The following FAT1 variants were observed in gnomAD, a reference collection of about 807,000 sequenced individuals.
FAT1 encodes protocadherin Fat 1.
A neutral mutation model predicts 329.8 loss-of-function variants in FAT1; 171 were observed. The ratio of observed to expected loss-of-function variants is 0.52; its 90% CI spans 0.46 to 0.59. The LOEUF (loss-of-function observed/expected upper bound fraction) is 0.59, where lower values mean the gene tolerates loss of function less well. Among genes scored for constraint, FAT1 ranks in the 20% least tolerant of loss-of-function variants. The probability of loss-of-function intolerance (pLI) is 0.00; values close to 1 mark genes in which losing one functional copy is unlikely to be tolerated. For synonymous variants in FAT1, 2,233 were observed against 2,228.6 expected (o/e 1.00, Z -0.06); for missense variants, 5,672 against 5,774.4 (o/e 0.98, Z 0.57).
chr4:186,615,677 C>A (rs1739676608), intron 11 of FAT1, among the ~76,000 whole-genome samples: 1 of 152,184 alleles, frequency 6.6e-6, no homozygotes, highest in South Asian at 2.1e-4. Flanking sequence ...TCCCCAAAGT[C>A]CTCTTCTCCC....
intron 3 of FAT1, among the ~76,000 whole-genome samples, chr4:186,654,391 G>T (rs1378947078): frequency 6.6e-6 from 1 of 151,966 alleles, no homozygotes; most frequent in Non-Finnish European, 1.5e-5. Context: ...GTGGAAGAGT[G>T]GTATAAAAAA....
At chr4:186,623,894 C>G (rs1740167527) in intron 9 of FAT1, among the ~76,000 whole-genome samples, 1 of 152,216 alleles carries the variant, frequency 6.6e-6, no homozygotes, top group Non-Finnish European at 1.5e-5. Context: ...CATCATGACT[C>G]TGGTGAACAC....
chr4:186,668,089 TG>T (rs1334745495), intron 2 of FAT1, among the ~76,000 whole-genome samples: 1 of 152,172 alleles, frequency 6.6e-6, no homozygotes, highest in Non-Finnish European at 1.5e-5. Context: ...CTCAGAGTTT[TG>T]GGGTTCAGTA....
At position 186,597,160 on chromosome 4, in the gene FAT1, T is replaced by C. The variant is rs1477113630; in HGVS notation, c.12380A>G (p.Asp4127Gly). ...AGGGTTTCCAGAGCACTCGTCGATATCACTCTGACACCTGCCAAGGAAGTC... is the reference window on the plus strand; with the variant it reads ...AGGGTTTCCAGAGCACTCGTCGATACCACTCTGACACCTGCCAAGGAAGTC... ...SGFRGERCQS[D>G]IDECSGNPCL... Residue 4127 changes from aspartate (D) to glycine (G), a missense_variant, in exon 25 of 27, where the codon GAT becomes GGT. Around this residue, in one of 2 missense-constraint regions of FAT1, gnomAD observed 1,706 missense variants for 1,859.1 expected, o/e 0.92. Coordinates refer to ENST00000441802, the MANE Select transcript of FAT1 (RefSeq NM_005245.4). 2 of 1,606,770 alleles carry C rather than the reference T, an allele frequency of 1.2e-6. No homozygotes were observed. The highest frequency in any genetic ancestry group is 8.5e-7 in the Non-Finnish European group (1 of 1,176,198).
intron 10 of FAT1, 96 bp from the exon 11 acceptor site, chr4:186,617,297 A>G: frequency 2.3e-6 from 2 of 883,152 alleles, no homozygotes; most frequent in Non-Finnish European, 3.3e-6. Flanking sequence ...GTATAATGTT[A>G]TAGTTTAAAA....
At position 186,618,763 on chromosome 4, in the gene FAT1, C is replaced by T. The variant is rs1336083461; in HGVS notation, c.7823G>A (p.Ser2608Asn). ...AACGACTGAAGTCCCTTTAGCAGCA[C>T]TGGACCCGATATTCACTTCGTATTT... Reference protein sequence around the residue: ...ATKYEVNIGSSAAKGTSVVKV... With the variant: ...ATKYEVNIGSNAAKGTSVVKV... Residue 2608 changes from serine (S) to asparagine (N), a missense_variant, in exon 10 of 27, where the codon AGT becomes AAT. By Grantham distance (46) the Ser-to-Asn change is conservative. Around this residue, in one of 2 missense-constraint regions of FAT1, gnomAD observed 3,966 missense variants for 3,915.2 expected, o/e 1.01. Transcript: ENST00000441802. The T allele has an allele frequency of 1.2e-6, 2 of 1,614,042 alleles. No individual in the cohort carries two copies. The highest frequency in any genetic ancestry group is 1.7e-6 in the Non-Finnish European group (2 of 1,179,902).
At chr4:186,653,747 G>A (rs328429) in intron 3 of FAT1, among the ~76,000 whole-genome samples, 39,433 of 151,916 alleles carry the variant, frequency 0.26, 5,584 homozygotes, top group East Asian at 0.47. Flanking sequence ...GGAACACAGC[G>A]GTGCTCACTC....
chr4:186,714,765 G>A (rs887448622), intron 1 of FAT1, among the ~76,000 whole-genome samples: 3 of 152,178 alleles, frequency 2.0e-5, no homozygotes, highest in African/African-American at 7.2e-5. Flanking sequence ...ATTAGAACTT[G>A]GAGTTCTATA....
chr4:186,651,496 T>C (rs1268321849), intron 3 of FAT1, among the ~76,000 whole-genome samples: 1 of 152,166 alleles, frequency 6.6e-6, no homozygotes, highest in Non-Finnish European at 1.5e-5. Flanking sequence ...ATCCTTCAAA[T>C]GTGGCTGCTT....
chr4:186,619,283 G>A lies in FAT1; in HGVS notation c.7303C>T (p.His2435Tyr), dbSNP rs1366754016. 1.2e-6 allele frequency: 2 copies of A among 1,613,880 alleles called. No homozygotes were observed. The highest frequency in any genetic ancestry group is 3.3e-5 in the Admixed American group (2 of 60,006). The change falls in exon 10 of 27, where the codon CAT becomes TAT. Residue 2435 changes from histidine to tyrosine, a missense_variant. Physicochemically the swap from His to Tyr is moderately conservative, Grantham distance 83. This residue lies in a region of FAT1 where 3,966 missense variants were observed against 3,915.2 expected (regional missense o/e 1.01). Coordinates refer to ENST00000441802, the MANE Select transcript of FAT1 (RefSeq NM_005245.4). The stretch of plus-strand genomic sequence containing the variant: ...GCACTGTCAATGACAAAATGTTTAT[G>A]ATCATTGCCAGACAGAATGGAATAC... ...LQYSILSGND[H>Y]KHFVIDSATG...
intron 9 of FAT1, among the ~76,000 whole-genome samples, chr4:186,627,787 T>G (rs1015196412): frequency 6.6e-6 from 1 of 152,178 alleles, no homozygotes; most frequent in African/African-American, 2.4e-5. Context: ...AAACGTTAAA[T>G]TACTAGGCAA....
At chr4:186,591,271 AT>A (rs749453882) in intron 26 of FAT1, among the ~76,000 whole-genome samples, 8 of 152,238 alleles carry the variant, frequency 5.3e-5, no homozygotes, top group Non-Finnish European at 8.8e-5. Flanking sequence ...CACATCCGTG[AT>A]TTTTTAAACA....
intron 2 of FAT1, among the ~76,000 whole-genome samples, chr4:186,675,864 G>A (rs1024760964): frequency 6.6e-6 from 1 of 151,752 alleles, no homozygotes; most frequent in African/African-American, 2.4e-5. Flanking sequence ...TTCAACAAGG[G>A]ACTTAATGTT....
chr4:186,597,338 A>C, intron 24 of FAT1, 167 bp from the exon 25 acceptor site: 4 of 706,202 alleles, frequency 5.7e-6, no homozygotes, highest in Non-Finnish European at 9.0e-6. Flanking sequence ...ACGAGAAAAG[A>C]CCTTCTGTGG....
At chr4:186,719,210 A>C (rs911440786) in intron 1 of FAT1, among the ~76,000 whole-genome samples, 2 of 151,978 alleles carry the variant, frequency 1.3e-5, no homozygotes, top group Non-Finnish European at 2.9e-5. Flanking sequence ...CAGTGCACCA[A>C]ATCTGCAATT....
At chr4:186,698,619 C>G (rs1241099426) in intron 2 of FAT1, among the ~76,000 whole-genome samples, 1 of 152,170 alleles carries the variant, frequency 6.6e-6, no homozygotes. Context: ...GGCAGGGAGA[C>G]AGAAAACGGC....
chr4:186,632,004 C>G (rs1435821889), intron 7 of FAT1, among the ~76,000 whole-genome samples: 1 of 151,762 alleles, frequency 6.6e-6, no homozygotes, highest in Non-Finnish European at 1.5e-5. Context: ...CTACTGTTCT[C>G]TTATAGTCCG....
chr4:186,648,422 A>C (rs934965349), intron 3 of FAT1, among the ~76,000 whole-genome samples: 1 of 152,150 alleles, frequency 6.6e-6, no homozygotes, highest in African/African-American at 2.4e-5. Flanking sequence ...CATATAAAAA[A>C]CTCAAACTCC....
chr4:186,686,967 A>T (rs1176123120), intron 2 of FAT1, among the ~76,000 whole-genome samples: 1 of 152,270 alleles, frequency 6.6e-6, no homozygotes, highest in Non-Finnish European at 1.5e-5. Context: ...TTCTGATTTT[A>T]CGAAGTAGCA....
Sources: allele counts gnomAD v4.1 joint callset (sites outside exome capture counted in the v4.1 genomes callset), GRCh38; gene constraint gnomAD v4.1.1; regional missense constraint gnomAD v4.1.1; transcripts MANE v1.5; gene names NCBI Gene and HGNC (gene_info 2026-07-23, HGNC 2026-07-21).